The following DCLK1 variants were observed in gnomAD, a reference collection of about 807,000 sequenced individuals.
DCLK1 encodes the protein doublecortin like kinase 1.
In DCLK1, 16 loss-of-function variants were observed where a neutral mutation model predicts 86.2. That is an observed-to-expected ratio of 0.19 (90% confidence interval 0.13 to 0.28). The LOEUF (loss-of-function observed/expected upper bound fraction) is 0.28, where lower values mean the gene tolerates loss of function less well. DCLK1 is among the 10% of genes least tolerant of loss of function. The probability of loss-of-function intolerance (pLI) is 1.00; values close to 1 mark genes in which losing one functional copy is unlikely to be tolerated. For synonymous variants in DCLK1, 369 were observed against 370.5 expected (o/e 1.00, Z 0.05); for missense variants, 590 against 940.2 (o/e 0.63, Z 4.87).
intron 3 of DCLK1, among the ~76,000 whole-genome samples, chr13:35,976,548 T>TTTTTG (rs1879347606): frequency 1.2e-5 from 1 of 82,756 alleles, no homozygotes; most frequent in Non-Finnish European, 2.4e-5. Flanking sequence ...TTTTTTTTTT[T>TTTTTG]GAGACGGAGT....
At chr13:35,866,564 A>G (rs76240315) in intron 5 of DCLK1, among the ~76,000 whole-genome samples, 27,533 of 149,892 alleles carry the variant, frequency 0.18, 2,990 homozygotes, top group African/African-American at 0.3. Context: ...GCCATCCTGT[A>G]TAGCTGGGAC....
intron 3 of DCLK1, among the ~76,000 whole-genome samples, chr13:36,083,088 A>C (rs1056168547): frequency 6.6e-6 from 1 of 151,032 alleles, no homozygotes; most frequent in Non-Finnish European, 1.5e-5. Context: ...ACCGATTCCA[A>C]ACTGCTATTT....
chr13:35,769,597 A>C lies in DCLK1; in HGVS notation c.*4938T>G, dbSNP rs1225892551. 6.6e-6 allele frequency: 1 copy of C among 152,172 alleles called. No individual in the cohort carries two copies. Among genetic ancestry groups the C allele is most frequent in the Non-Finnish European group, 1.5e-5 (1 of 68,024 alleles). 9.4% of individuals were successfully genotyped at this position (152,172 alleles called of 1,614,324 possible). The stretch of plus-strand genomic sequence containing the variant: ...ATTGTCCCTAGAGAACTATTCAAGG[A>C]CTTTTTCTTACTACATTTGATTGGA... On this transcript the variant is annotated 3_prime_UTR_variant, in exon 17 of 17. Coordinates refer to ENST00000360631, the MANE Select transcript of DCLK1 (RefSeq NM_001330071.2).
intron 3 of DCLK1, among the ~76,000 whole-genome samples, chr13:36,007,712 G>T (rs370621362): frequency 2.6e-5 from 4 of 152,124 alleles, no homozygotes; most frequent in Admixed American, 1.3e-4. Flanking sequence ...AACTCGTAAG[G>T]AGAGAAAGAG....
intron 14 of DCLK1, among the ~76,000 whole-genome samples, chr13:35,807,679 G>A (rs2087055688): frequency 6.6e-6 from 1 of 152,230 alleles, no homozygotes; most frequent in Non-Finnish European, 1.5e-5. Context: ...ATATAAAGAA[G>A]ACATGCCTAC....
intron 3 of DCLK1, among the ~76,000 whole-genome samples, chr13:35,947,887 T>C (rs1877471305): frequency 6.6e-6 from 1 of 152,218 alleles, no homozygotes. Flanking sequence ...GAAAAATACT[T>C]CTCTCATGAT....
intron 3 of DCLK1, among the ~76,000 whole-genome samples, chr13:36,105,620 G>A (rs1050435023): frequency 2.6e-5 from 4 of 152,132 alleles, no homozygotes; most frequent in African/African-American, 9.7e-5. Context: ...ATGTTATCAT[G>A]TATATCTATG....
chr13:35,947,169 A>G (rs1348929232), intron 4 of DCLK1, among the ~76,000 whole-genome samples, 189 bp downstream of exon 4: 1 of 152,114 alleles, frequency 6.6e-6, no homozygotes, highest in Non-Finnish European at 1.5e-5. Context: ...AACTTTTCCA[A>G]TTCTCATTTC....
At chr13:36,095,634 T>C (rs1370203522) in intron 3 of DCLK1, among the ~76,000 whole-genome samples, 1 of 152,138 alleles carries the variant, frequency 6.6e-6, no homozygotes, top group Non-Finnish European at 1.5e-5. Flanking sequence ...CATGGACATA[T>C]AAATTCCACC....
intron 5 of DCLK1, chr13:35,869,057 C>A (rs752416529): frequency 2.0e-6 from 1 of 491,702 alleles, no homozygotes; most frequent in Non-Finnish European, 4.1e-6. Flanking sequence ...TCCCAAAGTT[C>A]TGGGATTACA....
At chr13:36,050,757 G>T (rs549891463) in intron 3 of DCLK1, among the ~76,000 whole-genome samples, 1 of 152,206 alleles carries the variant, frequency 6.6e-6, no homozygotes, top group Non-Finnish European at 1.5e-5. Context: ...GGTGTCCCTT[G>T]TGATTAACCT....
chr13:35,774,373 G>C lies in DCLK1; in HGVS notation c.*162C>G. Reference sequence around the variant, plus strand: ...CAATCACCACGTGTCATCTTATTCAGTAAAGGGAAACCGCTACAAAGATAC... The same window carrying C: ...CAATCACCACGTGTCATCTTATTCACTAAAGGGAAACCGCTACAAAGATAC... On this transcript the variant is annotated 3_prime_UTR_variant, in exon 17 of 17. Transcript: ENST00000360631. The C allele has an allele frequency of 1.1e-6, 1 of 889,666 alleles. No individual in the cohort carries two copies. The highest frequency in any genetic ancestry group is 2.9e-5 in the Admixed American group (1 of 34,580). The allele number at this position is 889,666 out of a possible 1,614,324, so 55.1% of individuals were successfully genotyped here.
intron 3 of DCLK1, among the ~76,000 whole-genome samples, chr13:35,996,620 G>A (rs955717585): frequency 6.6e-6 from 1 of 152,084 alleles, no homozygotes; most frequent in Non-Finnish European, 1.5e-5. Flanking sequence ...CTCTTCCTGA[G>A]TCTCCAGCTT....
chr13:35,791,984 A>C (rs1308336207), intron 16 of DCLK1, among the ~76,000 whole-genome samples: 1 of 152,212 alleles, frequency 6.6e-6, no homozygotes, highest in Non-Finnish European at 1.5e-5. Context: ...GTTGCTTTCA[A>C]AACTTACTGA....
chr13:36,030,463 ATTTTT>A (rs139224506), intron 3 of DCLK1, among the ~76,000 whole-genome samples: 2 of 120,052 alleles, frequency 1.7e-5, no homozygotes, highest in African/African-American at 3.2e-5. Flanking sequence ...CACCTGGCTA[ATTTTT>A]TTTTTTTTTT....
chr13:35,924,241 T>TG lies in DCLK1; in HGVS notation c.823+23116dup, dbSNP rs1443349219. Among the ~76,000 whole-genome samples, 4 of 151,902 alleles carry TG rather than the reference T, an allele frequency of 2.6e-5. No homozygotes were observed. The East Asian group carries it at 5.8e-4, about 22-fold the overall frequency. On this transcript the variant is annotated intron_variant, in intron 4 of 16. Transcript: ENST00000360631. ...TCCAGAGTTTCTGATGTGAGATAAG[T>TG]GGGGGCAAATCTTTTTTTTTTTTAA...
chr13:36,031,372 A>C (rs1882264670), intron 3 of DCLK1, among the ~76,000 whole-genome samples: 2 of 152,114 alleles, frequency 1.3e-5, no homozygotes, highest in African/African-American at 4.8e-5. Context: ...CTTTTCTATA[A>C]CACGGCTCCA....
rs149269701 is a variant in DCLK1, at chr13:35,835,213, G to A, written c.1229+820C>T. Among the ~76,000 whole-genome samples, 1,462 of 152,292 alleles carry A rather than the reference G, an allele frequency of 9.6e-3. 30 individuals are homozygous for A. The highest frequency in any genetic ancestry group is 0.033 in the African/African-American group (1,378 of 41,558). On this transcript the variant is annotated intron_variant, in intron 8 of 16. Coordinates refer to ENST00000360631, the MANE Select transcript of DCLK1 (RefSeq NM_001330071.2). The stretch of plus-strand genomic sequence containing the variant: ...AGGGTGTCCAGCCCCACTGCGGGCA[G>A]AGAAAGGTGACAGGGAAGTGTGTAC...
intron 16 of DCLK1, among the ~76,000 whole-genome samples, chr13:35,781,456 C>T (rs2086523869): frequency 1.3e-5 from 2 of 152,148 alleles, no homozygotes; most frequent in Non-Finnish European, 2.9e-5. Context: ...TTATGTTTTT[C>T]TCTTAGCAAA....
Sources: allele counts gnomAD v4.1 joint callset (sites outside exome capture counted in the v4.1 genomes callset), GRCh38; gene constraint gnomAD v4.1.1; transcripts MANE v1.5; gene names NCBI Gene and HGNC (gene_info 2026-07-23, HGNC 2026-07-21).